Variants in ERP29 observed in about 807,000 individuals in gnomAD.
ERP29 encodes the protein endoplasmic reticulum resident protein 29.
In ERP29, 14 loss-of-function variants were observed where a neutral mutation model predicts 21.7. That is an observed-to-expected ratio of 0.64 (90% CI 0.43 to 1.01). The LOEUF (loss-of-function observed/expected upper bound fraction) is 1.01. Ranked by LOEUF, ERP29 falls within the 50% of genes least tolerant of loss-of-function variation. The pLI is 0.00. For synonymous variants in ERP29, 129 were observed against 139.1 expected, an observed-to-expected ratio of 0.93 and a Z score of 0.51; for missense variants, 286 against 327.3, an observed-to-expected ratio of 0.87 and a Z score of 0.97.
intron 1 of ERP29, chr12:112,019,430 T>C: frequency 2.7e-6 from 1 of 372,648 alleles, no homozygotes; most frequent in Non-Finnish European, 5.2e-6. Context: ...GGGGCTGATG[T>C]AGTATGCAGA....
intron 1 of ERP29, among the ~76,000 whole-genome samples, chr12:112,018,445 G>C (rs2078026849): frequency 6.6e-6 from 1 of 152,148 alleles, no homozygotes; most frequent in Non-Finnish European, 1.5e-5. Context: ...GCCTTGACAT[G>C]ATTATTTACA....
chr12:112,022,543 G>A lies in ERP29; in HGVS notation c.677G>A (p.Arg226Lys). The A allele has an allele frequency of 6.2e-7, 1 of 1,614,212 alleles. No homozygotes were observed. The highest frequency in any genetic ancestry group is 1.3e-5 in the African/African-American group (1 of 75,058). Residue 226 changes from arginine (R) to lysine (K), a missense_variant, in exon 3 of 3, where the codon AGG becomes AAG. Physicochemically the swap from Arg to Lys is conservative, Grantham distance 26. Coordinates refer to ENST00000261735, the MANE Select transcript of ERP29 (RefSeq NM_006817.4). Reference sequence around the variant, plus strand: ...GCATCAGAGATGACACGGATCGCCAGGCTGATTGAGAAGAACAAGATGAGT... The same window carrying A: ...GCATCAGAGATGACACGGATCGCCAAGCTGATTGAGAAGAACAAGATGAGT... ...FPASEMTRIA[R>K]LIEKNKMSDG...
chr12:112,013,718 C>A, intron 1 of ERP29, 109 bp downstream of exon 1: 1 of 1,235,666 alleles, frequency 8.1e-7, no homozygotes, highest in South Asian at 1.6e-5. Flanking sequence ...TGGTCTGTAG[C>A]AACGGTCCCA....
At chr12:112,020,488 A>C (rs562729819) in intron 2 of ERP29, among the ~76,000 whole-genome samples, 75 of 152,254 alleles carry the variant, frequency 4.9e-4, no homozygotes, top group African/African-American at 1.6e-3. Context: ...GAAAAAAAAA[A>C]CTGAAGCTCA....
At chr12:112,014,359 T>A (rs543058052) in intron 1 of ERP29, among the ~76,000 whole-genome samples, 1 of 152,334 alleles carries the variant, frequency 6.6e-6, no homozygotes, top group African/African-American at 2.4e-5. Flanking sequence ...CCAGGTTGTG[T>A]GCTTCTTATC....
In ERP29 at chr12:112,022,330, C is replaced by T. The variant is rs1228336476; in HGVS notation, c.464C>T (p.Pro155Leu). ...LKGQGVYLGM[P>L]GCLPVYDALA... ...GGGCAAGGGGTCTACCTAGGTATGC[C>T]TGGTTGCCTGCCTGTATACGACGCC... Residue 155 changes from proline to leucine, a missense_variant, in exon 3 of 3, where the codon CCT (proline) becomes CTT (leucine). Transcript: ENST00000261735. The T allele has an allele frequency of 6.2e-7, 1 of 1,613,818 alleles. No individual in the cohort carries two copies. Among genetic ancestry groups the T allele is most frequent in the Admixed American group, 1.7e-5 (1 of 59,978 alleles).
intron 1 of ERP29, among the ~76,000 whole-genome samples, chr12:112,016,580 A>G (rs1172569626): frequency 1.3e-5 from 2 of 152,232 alleles, no homozygotes; most frequent in Non-Finnish European, 2.9e-5. Context: ...TTGGACACCA[A>G]GGGCTGGTAG....
chr12:112,019,638 G>A (rs754413938), intron 1 of ERP29, 118 bp from the exon 2 acceptor site: 6 of 1,169,734 alleles, frequency 5.1e-6, no homozygotes, highest in South Asian at 2.5e-5. Flanking sequence ...GTTTGTGAGA[G>A]CTTGCCTCCC....
chr12:112,013,704 G>T, intron 1 of ERP29, 95 bp downstream of exon 1: 1 of 1,346,792 alleles, frequency 7.4e-7, no homozygotes, highest in Non-Finnish European at 9.9e-7. Context: ...GAGCTGACGG[G>T]AGGTGGTCTG....
rs572409142 is a variant in ERP29 at position 112,023,425 on chromosome 12, A to C, written c.*773A>C. ...AAATAAATACTAACTTCTAGAAAGC[A>C]GAATAAAGAGCACTTGTGCCAACAT... On this transcript the variant is annotated 3_prime_UTR_variant, in exon 3 of 3. Coordinates refer to ENST00000261735, the MANE Select transcript of ERP29 (RefSeq NM_006817.4). 79 of 152,382 alleles carry C rather than the reference A, an allele frequency of 5.2e-4. No homozygotes were observed. The highest frequency in any genetic ancestry group is 8.8e-4 in the Non-Finnish European group (60 of 68,036). The allele number at this position is 152,382 out of a possible 1,614,324, so 9.4% of individuals were successfully genotyped here.
At chr12:112,016,480 A>G (rs2078013236) in intron 1 of ERP29, among the ~76,000 whole-genome samples, 1 of 152,202 alleles carries the variant, frequency 6.6e-6, no homozygotes, top group African/African-American at 2.4e-5. Context: ...TTACTCAATG[A>G]ACGAATGAAT....
chr12:112,013,441 C>T lies in ERP29; in HGVS notation c.-25C>T. 1 of 1,599,138 alleles carries T rather than the reference C, an allele frequency of 6.3e-7. No homozygotes were observed. Among genetic ancestry groups the T allele is most frequent in the South Asian group, 1.1e-5 (1 of 89,186 alleles). On this transcript the variant is annotated 5_prime_UTR_variant, in exon 1 of 3. Coordinates refer to ENST00000261735, the MANE Select transcript of ERP29 (RefSeq NM_006817.4). Reference sequence around the variant, plus strand: ...GGCGTTCTCCACTATCGCTTACCTACCTCCCTCTGCAGGAACCCGGCGATA... The same window carrying T: ...GGCGTTCTCCACTATCGCTTACCTATCTCCCTCTGCAGGAACCCGGCGATA...
intron 1 of ERP29, chr12:112,019,535 G>T: frequency 1.7e-6 from 1 of 579,198 alleles, no homozygotes. Flanking sequence ...GTATATCTTT[G>T]ATTAGTGTGA....
chr12:112,015,460 C>G (rs1030372837), intron 1 of ERP29: 1 of 152,688 alleles, frequency 6.5e-6, no homozygotes, highest in Non-Finnish European at 1.5e-5. Flanking sequence ...GACACTCCAG[C>G]CTGGGCAACA....
intron 2 of ERP29, among the ~76,000 whole-genome samples, chr12:112,021,515 CT>C (rs1164185865): frequency 5.1e-3 from 357 of 70,012 alleles, no homozygotes; most frequent in African/African-American, 7.1e-3. Context: ...GCTTAATAGT[CT>C]TTTTTTTTTT....
In ERP29 at chr12:112,013,462, C is replaced by A. The variant is rs375319013; in HGVS notation, c.-4C>A. Reference sequence around the variant, plus strand: ...CCTACCTCCCTCTGCAGGAACCCGGCGATATGGCTGCCGCTGTGCCCCGCG... The same window carrying A: ...CCTACCTCCCTCTGCAGGAACCCGGAGATATGGCTGCCGCTGTGCCCCGCG... On this transcript the variant is annotated 5_prime_UTR_variant, in exon 1 of 3. Transcript: ENST00000261735. 6 of 1,608,926 alleles carry A rather than the reference C, an allele frequency of 3.7e-6. No homozygotes were observed. The South Asian group carries it at 6.6e-5, about 18-fold the overall frequency.
chr12:112,013,653 C>T lies in ERP29; in HGVS notation c.144+44C>T, dbSNP rs756077381. On this transcript the variant is annotated intron_variant, in intron 1 of 2. Coordinates refer to ENST00000261735, the MANE Select transcript of ERP29 (RefSeq NM_006817.4). ...GTCGCGCGCAGGTGCCGCCGGGGCG[C>T]CCGGAAGAGCGCGCGCCCGTGGGGA... The T allele has an allele frequency of 6.0e-6, 9 of 1,495,102 alleles. No individual in the cohort carries two copies. The African/African-American group carries it at 1.1e-4, about 19-fold the overall frequency. The allele number at this position is 1,495,102 out of a possible 1,614,324, so 92.6% of individuals were successfully genotyped here. A position where few individuals can be genotyped will look rare whatever the true frequency, so the allele number is the denominator to read the frequency against.
chr12:112,021,515 C>CTTTTTTTTTTTTTTT lies in ERP29; in HGVS notation c.284-623_284-609dup, dbSNP rs1164185865. 8.6e-5 allele frequency among the ~76,000 whole-genome samples: 6 copies of CTTTTTTTTTTTTTTT among 70,042 alleles called. 2 individuals are homozygous for CTTTTTTTTTTTTTTT. In the East Asian group the frequency reaches 3.2e-3, roughly 37 times the overall value. The allele number at this position is 70,042 out of a possible 152,430, so 46.0% of individuals were successfully genotyped here. A position where few individuals can be genotyped will look rare whatever the true frequency, so the allele number is the denominator to read the frequency against. ...CTTAGAAGAATATGAGCTTAATAGT[C>CTTTTTTTTTTTTTTT]TTTTTTTTTTTTTTTTTTTTTTTTT... On this transcript the variant is annotated intron_variant, in intron 2 of 2. Transcript: ENST00000261735.
intron 1 of ERP29, chr12:112,019,259 A>G (rs1450841453): frequency 5.0e-6 from 1 of 200,564 alleles, no homozygotes; most frequent in Non-Finnish European, 1.0e-5. Context: ...CTGGCCTCTC[A>G]CTAGCTTATC....
Sources: allele counts gnomAD v4.1 joint callset (sites outside exome capture counted in the v4.1 genomes callset), GRCh38; gene constraint gnomAD v4.1.1; transcripts MANE v1.5; gene names NCBI Gene and HGNC (gene_info 2026-07-23, HGNC 2026-07-21).